RERE: variants seen among roughly 807,000 people sequenced by gnomAD.
RERE encodes arginine-glutamic acid dipeptide repeats.
Under a neutral mutation model 146.1 loss-of-function variants are expected in RERE, and 40 were observed. That is an observed-to-expected ratio of 0.27 (90% CI 0.21 to 0.36). The LOEUF (loss-of-function observed/expected upper bound fraction) is 0.36, where lower values mean the gene tolerates loss of function less well. Ranked by LOEUF, RERE falls within the 10% of genes least tolerant of loss-of-function variation. The pLI is 1.00. For synonymous variants in RERE, 1,003 were observed against 866.0 expected (o/e 1.16, Z -2.78); for missense variants, 1,933 against 2,138.7 (o/e 0.90, Z 1.90).
Position 8,500,532 on chromosome 1 carries a change from A to G in RERE, c.880-3003T>C, listed in dbSNP as rs1007992895. Among the ~76,000 whole-genome samples, 9 of 152,176 alleles carry G rather than the reference A, an allele frequency of 5.9e-5. 1 individual carries two copies. Among genetic ancestry groups the G allele is most frequent in the South Asian group, 4.1e-4 (2 of 4,832 alleles). On this transcript the variant is annotated intron_variant, in intron 8 of 22. Transcript: ENST00000400908. ...CAGTGCTCAATGGTGCCCAGGCTGG[A>G]GTGCAGTGGTGTGATCTCGGCTCGC...
chr1:8,606,181 A>G lies in RERE; in HGVS notation c.522+8380T>C, dbSNP rs866573852. On this transcript the variant is annotated intron_variant, in intron 4 of 22. Coordinates refer to ENST00000400908, the MANE Select transcript of RERE (RefSeq NM_001042681.2). ...AACTATTTTCCACCAATTACCATGT[A>G]ATATGGTTGAAATTACACGACCTTT... Among the ~76,000 whole-genome samples, 3 of 152,274 alleles carry G rather than the reference A, an allele frequency of 2.0e-5. No homozygotes were observed. The Middle Eastern group carries it at 0.01, about 518-fold the overall frequency.
intron 4 of RERE, among the ~76,000 whole-genome samples, chr1:8,600,684 C>T (rs1646610566): frequency 6.6e-6 from 1 of 151,916 alleles, no homozygotes; most frequent in African/African-American, 2.4e-5. Flanking sequence ...AAAAGTGTCC[C>T]TGCATCTTTA....
intron 7 of RERE, among the ~76,000 whole-genome samples, chr1:8,535,693 G>T (rs1006708214): frequency 6.6e-6 from 1 of 152,182 alleles, no homozygotes; most frequent in Non-Finnish European, 1.5e-5. Context: ...GTTTATGACT[G>T]CTCCTGAACA....
chr1:8,601,786 C>A (rs1270758524), intron 4 of RERE, among the ~76,000 whole-genome samples: 1 of 151,358 alleles, frequency 6.6e-6, no homozygotes, highest in African/African-American at 2.4e-5. Flanking sequence ...CAAACACACA[C>A]ACAGACACAC....
intron 2 of RERE, among the ~76,000 whole-genome samples, chr1:8,653,129 C>G (rs1186521872): frequency 6.6e-6 from 1 of 152,164 alleles, no homozygotes; most frequent in Admixed American, 6.5e-5. Flanking sequence ...CCTTAACTGT[C>G]GGGCTTCTTG....
At chr1:8,492,531 G>A (rs911194860) in intron 10 of RERE, among the ~76,000 whole-genome samples, 10 of 152,034 alleles carry the variant, frequency 6.6e-5, no homozygotes, top group African/African-American at 2.4e-4. Context: ...TCTGAGACAG[G>A]AGGATTACTT....
At chr1:8,529,315 A>G (rs1403682432) in intron 7 of RERE, among the ~76,000 whole-genome samples, 6 of 83,870 alleles carry the variant, frequency 7.2e-5, no homozygotes, top group Non-Finnish European at 9.3e-5. Flanking sequence ...TTTGAGATGG[A>G]GTCTCGCTCT....
At position 8,709,284 on chromosome 1, in the gene RERE, A is replaced by ATT. The variant is rs200478647; in HGVS notation, c.-144-52845_-144-52844dup. On this transcript the variant is annotated intron_variant, in intron 1 of 22. Transcript: ENST00000400908. ...TCTTGAAGCTCTTTTAGATTTTTTA[A>ATT]TTTTTTTTTTTCTTATATTGAGACA... Among the ~76,000 whole-genome samples the ATT allele has an allele frequency of 2.8e-4, 41 of 148,826 alleles. No individual in the cohort carries two copies. In the South Asian group the frequency reaches 6.2e-3, roughly 22 times the overall value.
chr1:8,752,098 A>T (rs1002299378), intron 1 of RERE, among the ~76,000 whole-genome samples: 1 of 152,140 alleles, frequency 6.6e-6, no homozygotes, highest in Admixed American at 6.6e-5. Context: ...TTTTACAGAC[A>T]GCAAAAAGAC....
intron 1 of RERE, among the ~76,000 whole-genome samples, chr1:8,732,017 A>G (rs988363445): frequency 6.6e-6 from 1 of 152,008 alleles, no homozygotes; most frequent in African/African-American, 2.4e-5. Context: ...GTTAGCCAGG[A>G]TGGTCTCGAT....
intron 10 of RERE, among the ~76,000 whole-genome samples, chr1:8,486,338 G>A (rs529000883): frequency 6.6e-6 from 1 of 152,226 alleles, no homozygotes; most frequent in African/African-American, 2.4e-5. Flanking sequence ...AAATGTTACT[G>A]AGTACTCTTT....
At position 8,489,161 on chromosome 1, in the gene RERE, T is replaced by C. The variant is rs184367534; in HGVS notation, c.1104+5902A>G. On this transcript the variant is annotated intron_variant, in intron 10 of 22. Transcript: ENST00000400908. ...GCATTCTAGACCAGCCTGGGAAACATAGTGAGGCCCTGTCACTAGAAGAAA... is the reference window on the plus strand; with the variant it reads ...GCATTCTAGACCAGCCTGGGAAACACAGTGAGGCCCTGTCACTAGAAGAAA... 8.6e-5 allele frequency among the ~76,000 whole-genome samples: 13 copies of C among 151,824 alleles called. No individual in the cohort carries two copies. The East Asian group carries it at 1.4e-3, about 16-fold the overall frequency.
At chr1:8,422,607 G>C in intron 12 of RERE, 120 bp downstream of exon 12, 1 of 688,834 alleles carries the variant, frequency 1.5e-6, no homozygotes, top group South Asian at 1.8e-5. Flanking sequence ...AATTCTGGAG[G>C]CCAGCCCGAG....
intron 11 of RERE, among the ~76,000 whole-genome samples, chr1:8,458,920 T>C (rs1025410136): frequency 2.6e-5 from 4 of 152,366 alleles, no homozygotes; most frequent in East Asian, 3.9e-4. Flanking sequence ...AAAATGCTTG[T>C]CCTATTTCAT....
At chr1:8,746,531 A>G (rs1411473228) in intron 1 of RERE, among the ~76,000 whole-genome samples, 1 of 152,178 alleles carries the variant, frequency 6.6e-6, no homozygotes, top group Admixed American at 6.5e-5. Flanking sequence ...TATTGAATAC[A>G]GAAAGTGAAA....
chr1:8,468,043 A>G (rs763943979), intron 10 of RERE, among the ~76,000 whole-genome samples: 19 of 152,230 alleles, frequency 1.2e-4, no homozygotes, highest in Non-Finnish European at 2.2e-4. Context: ...ATTTATTTTA[A>G]ATCAAGACTG....
intron 1 of RERE, among the ~76,000 whole-genome samples, chr1:8,697,623 T>C (rs914709456): frequency 1.3e-5 from 2 of 152,186 alleles, no homozygotes; most frequent in Non-Finnish European, 2.9e-5. Context: ...TCTCCTGACC[T>C]CGTGATCCGC....
intron 1 of RERE, among the ~76,000 whole-genome samples, chr1:8,747,271 G>C (rs201234212): frequency 1.3e-5 from 2 of 152,238 alleles, no homozygotes; most frequent in East Asian, 3.9e-4. Flanking sequence ...AAAGTGCTGG[G>C]ATTACAGGCA....
intron 1 of RERE, among the ~76,000 whole-genome samples, chr1:8,685,259 C>T (rs1639059047): frequency 6.6e-6 from 1 of 152,172 alleles, no homozygotes; most frequent in Non-Finnish European, 1.5e-5. Flanking sequence ...CACAGAAAGG[C>T]TTTCCAGGAA....
Sources: gnomAD v4.1 joint callset for allele counts (sites outside exome capture counted in the v4.1 genomes callset) on GRCh38, gnomAD v4.1.1 for gene constraint, MANE v1.5 for transcripts, NCBI Gene and HGNC (gene_info 2026-07-23, HGNC 2026-07-21) for gene names.